The following AGBL4 variants were observed in gnomAD, a reference collection of about 807,000 sequenced individuals.
The protein encoded by AGBL4 is cytosolic carboxypeptidase 6.
Under a neutral mutation model 66.4 loss-of-function variants are expected in AGBL4, and 58 were observed. That is an observed-to-expected ratio of 0.87 (90% CI 0.71 to 1.09). The LOEUF (loss-of-function observed/expected upper bound fraction) is 1.09. Among genes scored for constraint, AGBL4 ranks in the 50% least tolerant of loss-of-function variants. The probability of loss-of-function intolerance (pLI) is 0.00; values close to 1 mark genes in which losing one functional copy is unlikely to be tolerated. For synonymous variants in AGBL4, 234 were observed against 222.9 expected (o/e 1.05, Z -0.44); for missense variants, 579 against 631.0 (o/e 0.92, Z 0.88).
chr1:49,006,260 G>A (rs1326169499), intron 5 of AGBL4, among the ~76,000 whole-genome samples: 3 of 151,956 alleles, frequency 2.0e-5, no homozygotes, highest in Admixed American at 2.0e-4. Context: ...AAAGAAAGGG[G>A]TGATGAAGGG....
chr1:49,030,964 G>A (rs973015680), intron 5 of AGBL4, among the ~76,000 whole-genome samples: 1 of 152,070 alleles, frequency 6.6e-6, no homozygotes, highest in African/African-American at 2.4e-5. Flanking sequence ...AAGGGAAGAT[G>A]TTGGTCAAAG....
intron 1 of AGBL4, among the ~76,000 whole-genome samples, chr1:49,904,898 T>G (rs1650112073): frequency 6.6e-6 from 1 of 152,090 alleles, no homozygotes; most frequent in South Asian, 2.1e-4. Context: ...ATTACAGCTG[T>G]GGGGTTGGCC....
At chr1:49,197,548 C>A (rs1647327378) in intron 4 of AGBL4, among the ~76,000 whole-genome samples, 1 of 152,126 alleles carries the variant, frequency 6.6e-6, no homozygotes, top group African/African-American at 2.4e-5. Context: ...TGCTGAGGTG[C>A]CGGCCTGGGC....
chr1:48,618,607 A>G (rs1570023286), intron 9 of AGBL4, among the ~76,000 whole-genome samples: 1 of 152,230 alleles, frequency 6.6e-6, no homozygotes, highest in East Asian at 1.9e-4. Context: ...CCAGAATTAC[A>G]TTATTAATCC....
At chr1:49,927,556 C>G (rs1652901860) in intron 1 of AGBL4, among the ~76,000 whole-genome samples, 1 of 152,114 alleles carries the variant, frequency 6.6e-6, no homozygotes, top group African/African-American at 2.4e-5. Flanking sequence ...ATCCAATTAT[C>G]TCCACCTGGT....
intron 3 of AGBL4, among the ~76,000 whole-genome samples, chr1:49,280,477 T>C (rs1644252860): frequency 6.6e-6 from 1 of 152,132 alleles, no homozygotes; most frequent in Admixed American, 6.5e-5. Context: ...CAAATACACA[T>C]TCTAGAGAAT....
chr1:48,653,119 A>G (rs1645958374), intron 8 of AGBL4, among the ~76,000 whole-genome samples: 1 of 152,234 alleles, frequency 6.6e-6, no homozygotes, highest in Non-Finnish European at 1.5e-5. Flanking sequence ...TGGTCCAGTG[A>G]GCTGTCTAGA....
intron 3 of AGBL4, among the ~76,000 whole-genome samples, chr1:49,341,861 A>G (rs1262150892): frequency 2.6e-5 from 4 of 152,086 alleles, no homozygotes; most frequent in African/African-American, 7.2e-5. Flanking sequence ...GCGACAGGCA[A>G]TGCTTTTCTC....
chr1:50,002,527 G>C (rs1354964888), intron 1 of AGBL4, among the ~76,000 whole-genome samples: 3 of 151,042 alleles, frequency 2.0e-5, no homozygotes, highest in Non-Finnish European at 4.4e-5. Context: ...CCGCCACCAC[G>C]CCCGGCTAAT....
intron 4 of AGBL4, among the ~76,000 whole-genome samples, chr1:49,222,815 T>A (rs1471675804): frequency 6.6e-6 from 1 of 152,238 alleles, no homozygotes; most frequent in African/African-American, 2.4e-5. Context: ...TTTAACAAAG[T>A]AACTCATTTT....
intron 3 of AGBL4, among the ~76,000 whole-genome samples, chr1:49,323,386 C>T (rs1024223503): frequency 6.6e-6 from 1 of 151,852 alleles, no homozygotes; most frequent in South Asian, 2.1e-4. Flanking sequence ...GATTCAAACA[C>T]TTCTCCTGCT....
At chr1:48,699,694 A>G (rs1646771287) in intron 6 of AGBL4, among the ~76,000 whole-genome samples, 1 of 152,240 alleles carries the variant, frequency 6.6e-6, no homozygotes, top group South Asian at 2.1e-4. Flanking sequence ...ACTGTCTCCC[A>G]GAGTGAGCAG....
chr1:49,014,107 C>G (rs578035276), intron 5 of AGBL4, among the ~76,000 whole-genome samples: 1 of 152,204 alleles, frequency 6.6e-6, no homozygotes, highest in Admixed American at 6.5e-5. Context: ...TGTGCTATTC[C>G]GTTCTTCCCC....
intron 6 of AGBL4, among the ~76,000 whole-genome samples, chr1:48,691,187 G>T (rs1457934044): frequency 6.8e-6 from 1 of 147,972 alleles, no homozygotes; most frequent in Non-Finnish European, 1.5e-5. Flanking sequence ...ACATATATGT[G>T]TGTATATATA....
rs183772200 is a variant in AGBL4 at position 49,106,511 on chromosome 1, G to A, written c.378-60711C>T. On this transcript the variant is annotated intron_variant, in intron 4 of 13. Coordinates refer to ENST00000371839, the MANE Select transcript of AGBL4 (RefSeq NM_032785.4). ...TGCATTCCTTGGAAATGGGCCTAGT[G>A]ACCAGAGGTAGGCACATGGCTGTGT... 2.6e-5 allele frequency among the ~76,000 whole-genome samples: 4 copies of A among 152,278 alleles called. No homozygotes were observed. The East Asian group carries it at 7.7e-4, about 29-fold the overall frequency.
intron 5 of AGBL4, among the ~76,000 whole-genome samples, chr1:48,968,208 GC>G (rs1658610691): frequency 6.6e-6 from 1 of 152,084 alleles, no homozygotes; most frequent in Non-Finnish European, 1.5e-5. Context: ...AAACCGAAGT[GC>G]TAGAGCAGAG....
chr1:49,431,488 C>T (rs957584814), intron 3 of AGBL4, among the ~76,000 whole-genome samples: 6 of 152,074 alleles, frequency 3.9e-5, no homozygotes, highest in African/African-American at 9.7e-5. Flanking sequence ...GAAAGACAAA[C>T]GCTGGTGTCC....
chr1:49,651,821 C>A (rs181571511), intron 3 of AGBL4, among the ~76,000 whole-genome samples: 41 of 152,126 alleles, frequency 2.7e-4, no homozygotes, highest in Admixed American at 2.4e-3. Flanking sequence ...TTTTTGACAC[C>A]ACCAAAGGAT....
chr1:49,938,418 C>G (rs999132537), intron 1 of AGBL4, among the ~76,000 whole-genome samples: 1 of 152,244 alleles, frequency 6.6e-6, no homozygotes, highest in Non-Finnish European at 1.5e-5. Flanking sequence ...ACCAGAGGTA[C>G]AAGGAGGAAC....
Sources: allele counts gnomAD v4.1 joint callset (sites outside exome capture counted in the v4.1 genomes callset), GRCh38; gene constraint gnomAD v4.1.1; transcripts MANE v1.5; gene names NCBI Gene and HGNC (gene_info 2026-07-23, HGNC 2026-07-21).